AUTS2: variants seen among roughly 807,000 people sequenced by gnomAD.
The protein encoded by AUTS2 is activator of transcription and developmental regulator AUTS2, also known as autism susceptibility gene 2 protein.
A neutral mutation model predicts 112.4 loss-of-function variants in AUTS2; 17 were observed. The ratio of observed to expected loss-of-function variants is 0.15; its 90% CI spans 0.10 to 0.23. AUTS2 has a LOEUF of 0.23. Among genes scored for constraint, AUTS2 ranks in the 10% least tolerant of loss-of-function variants. The probability of loss-of-function intolerance (pLI) is 1.00; values close to 1 mark genes in which losing one functional copy is unlikely to be tolerated. For missense variants in AUTS2, 1,510 were observed against 1,701.6 expected (o/e 0.89, Z 1.98); for synonymous variants, 751 against 702.7 (o/e 1.07, Z -1.09).
At chr7:70,634,436 G>T (rs569019438) in intron 5 of AUTS2, among the ~76,000 whole-genome samples, 14 of 152,308 alleles carry the variant, frequency 9.2e-5, no homozygotes, top group Non-Finnish European at 1.9e-4. Flanking sequence ...CCCATTTGCT[G>T]TTCGGCGGGC....
rs968063735 is a variant in AUTS2, at chr7:69,916,008, C to T, written c.522+16510C>T. ...TGCTGGGATTACAGGCGTGAGCCAC[C>T]GTGCCTGGCCTTTTGAATAAAAATT... On this transcript the variant is annotated intron_variant, in intron 2 of 18. Coordinates refer to ENST00000342771, the MANE Select transcript of AUTS2 (RefSeq NM_015570.4). 5.9e-5 allele frequency among the ~76,000 whole-genome samples: 9 copies of T among 152,282 alleles called. No homozygotes were observed. The East Asian group carries it at 1.2e-3, about 20-fold the overall frequency.
At chr7:70,450,803 G>A (rs1796500459) in intron 5 of AUTS2, among the ~76,000 whole-genome samples, 1 of 152,128 alleles carries the variant, frequency 6.6e-6, no homozygotes, top group East Asian at 1.9e-4. Flanking sequence ...GTGGAAAGAA[G>A]GAGTCTGATT....
chr7:70,730,193 T>G (rs904014411), intron 6 of AUTS2, among the ~76,000 whole-genome samples: 1 of 151,798 alleles, frequency 6.6e-6, no homozygotes, highest in African/African-American at 2.4e-5. Flanking sequence ...GTTTGCCCAT[T>G]ATTAAGCAGT....
At chr7:70,725,438 A>C (rs2129551896) in intron 6 of AUTS2, among the ~76,000 whole-genome samples, 1 of 152,352 alleles carries the variant, frequency 6.6e-6, no homozygotes, top group South Asian at 2.1e-4. Flanking sequence ...GAGGAGAATT[A>C]TGTTGTAAGA....
intron 4 of AUTS2, among the ~76,000 whole-genome samples, chr7:70,238,810 G>A (rs12698879): frequency 0.21 from 32,552 of 151,856 alleles, 3,468 homozygotes; most frequent in Middle Eastern, 0.33. Flanking sequence ...CAAGATATGC[G>A]TGCACTCATC....
At chr7:70,020,409 A>T (rs1800216981) in intron 2 of AUTS2, among the ~76,000 whole-genome samples, 1 of 151,972 alleles carries the variant, frequency 6.6e-6, no homozygotes, top group East Asian at 1.9e-4. Context: ...TTTTTGATGG[A>T]CTCTGCAAGA....
chr7:70,356,070 C>T (rs1318536201), intron 4 of AUTS2, among the ~76,000 whole-genome samples: 2 of 152,168 alleles, frequency 1.3e-5, no homozygotes, highest in African/African-American at 2.4e-5. Context: ...GGAAAGACAT[C>T]AATACTCCTT....
At chr7:70,439,931 A>G (rs540317311) in intron 5 of AUTS2, among the ~76,000 whole-genome samples, 2 of 152,184 alleles carry the variant, frequency 1.3e-5, no homozygotes. Flanking sequence ...ATTGGAAGGC[A>G]TATAGCCCAG....
At chr7:69,660,304 A>G (rs915952382) in intron 1 of AUTS2, among the ~76,000 whole-genome samples, 1 of 152,116 alleles carries the variant, frequency 6.6e-6, no homozygotes, top group African/African-American at 2.4e-5. Flanking sequence ...AGCTTTCATC[A>G]TTTATACTAC....
intron 4 of AUTS2, among the ~76,000 whole-genome samples, chr7:70,218,557 T>C (rs1296017827): frequency 6.6e-6 from 1 of 152,194 alleles, no homozygotes; most frequent in Admixed American, 6.5e-5. Flanking sequence ...TTAATTATGC[T>C]AATTTTCCAA....
chr7:70,220,797 A>G (rs573529954), intron 4 of AUTS2, among the ~76,000 whole-genome samples: 1 of 152,322 alleles, frequency 6.6e-6, no homozygotes, highest in South Asian at 2.1e-4. Flanking sequence ...TTTTCCCCCA[A>G]TTCTTTCTTT....
intron 2 of AUTS2, among the ~76,000 whole-genome samples, chr7:70,107,271 T>C (rs911017890): frequency 6.6e-6 from 1 of 151,576 alleles, no homozygotes; most frequent in African/African-American, 2.4e-5. Flanking sequence ...CTAGCACACA[T>C]GATACTTTTC....
chr7:69,925,556 A>C (rs76543498), intron 2 of AUTS2, among the ~76,000 whole-genome samples: 12,779 of 152,214 alleles, frequency 0.084, 614 homozygotes, highest in East Asian at 0.13. Context: ...TTATTACATT[A>C]AATCAGTCAA....
In AUTS2 at chr7:70,460,598, G is replaced by A. The variant is rs550526750; in HGVS notation, c.690+24817G>A. On this transcript the variant is annotated intron_variant, in intron 5 of 18. Transcript: ENST00000342771. ...ACTCCTGACCTCAGGTGATCCACCCGCTTCAACCTCCCAAAGTGCTGGGAT... is the reference window on the plus strand; with the variant it reads ...ACTCCTGACCTCAGGTGATCCACCCACTTCAACCTCCCAAAGTGCTGGGAT... Among the ~76,000 whole-genome samples the A allele has an allele frequency of 3.0e-4, 46 of 152,032 alleles. 1 individual carries two copies. The highest frequency in any genetic ancestry group is 2.5e-3 in the Admixed American group (38 of 15,268).
chr7:70,790,768 C>G lies in AUTS2; in HGVS notation c.3552C>G (p.Leu1184=), dbSNP rs992423377. Residue 1184 remains leucine, a synonymous_variant, in exon 19 of 19, where the codon CTC becomes CTG. Transcript: ENST00000342771. This position sits in a 1 kb window ranked among gnomAD's most constrained non-coding sequence, Gnocchi z 7.6. ...ACGGACACCTCCCCCACCCCAGCCT[C>G]ATCACCCCGGGACTCCCCAGCATGC... ...SLDGHLPHPS[L]ITPGLPSMHY... The G allele has an allele frequency of 6.2e-7, 1 of 1,613,122 alleles. No homozygotes were observed. The highest frequency in any genetic ancestry group is 8.5e-7 in the Non-Finnish European group (1 of 1,179,808).
chr7:69,808,948 C>G (rs1790425596), intron 1 of AUTS2, among the ~76,000 whole-genome samples: 1 of 152,148 alleles, frequency 6.6e-6, no homozygotes, highest in Non-Finnish European at 1.5e-5. Flanking sequence ...ACATCACACC[C>G]TTTTGATGTT....
rs551757341 is a variant in AUTS2 at position 70,214,857 on chromosome 7, A to G, written c.660+80286A>G. Among the ~76,000 whole-genome samples, 33 of 152,350 alleles carry G rather than the reference A, an allele frequency of 2.2e-4. No homozygotes were observed. In the Middle Eastern group the frequency reaches 0.014, roughly 63 times the overall value. On this transcript the variant is annotated intron_variant, in intron 4 of 18. Coordinates refer to ENST00000342771, the MANE Select transcript of AUTS2 (RefSeq NM_015570.4). ...TTGAGAAAGAAAACTCTAGTGTAGC[A>G]TTCAAATTACTTTTCTTGTAGCTTA...
At chr7:69,886,251 CT>C (rs1460255826) in intron 1 of AUTS2, among the ~76,000 whole-genome samples, 7 of 152,190 alleles carry the variant, frequency 4.6e-5, no homozygotes, top group African/African-American at 1.7e-4. Context: ...CATGTTGATT[CT>C]CTATGTCACT....
chr7:70,181,999 C>T (rs962410702), intron 4 of AUTS2, among the ~76,000 whole-genome samples: 8 of 148,836 alleles, frequency 5.4e-5, no homozygotes, highest in Non-Finnish European at 1.0e-4. Flanking sequence ...GGTATTTCAT[C>T]GTGTTAGCCA....
Sources: allele counts gnomAD v4.1 joint callset (sites outside exome capture counted in the v4.1 genomes callset), GRCh38; gene constraint gnomAD v4.1.1; non-coding constraint Gnocchi (gnomAD v3.1); transcripts MANE v1.5; gene names NCBI Gene and HGNC (gene_info 2026-07-23, HGNC 2026-07-21).